TMEM132E: variants seen among roughly 807,000 people sequenced by gnomAD.
The protein encoded by TMEM132E is transmembrane protein 132E.
Under a neutral mutation model 78.5 loss-of-function variants are expected in TMEM132E, and 49 were observed. That is an observed-to-expected ratio of 0.62 (90% confidence interval 0.50 to 0.79). The LOEUF (loss-of-function observed/expected upper bound fraction) is 0.79. Ranked by LOEUF, TMEM132E falls within the 30% of genes least tolerant of loss-of-function variation. The pLI, the probability that TMEM132E is intolerant of heterozygous loss-of-function variation, is 0.00. For missense variants in TMEM132E, 1,403 were observed against 1,470.9 expected, an observed-to-expected ratio of 0.95 and a Z score of 0.75; for synonymous variants, 715 against 670.6, an observed-to-expected ratio of 1.07 and a Z score of -1.02.
intron 1 of TMEM132E, among the ~76,000 whole-genome samples, chr17:34,591,458 A>G (rs1444406599): frequency 6.6e-6 from 1 of 152,170 alleles, no homozygotes; most frequent in Non-Finnish European, 1.5e-5. Flanking sequence ...GGCACATGCC[A>G]TCATACCTGG....
intron 1 of TMEM132E, among the ~76,000 whole-genome samples, chr17:34,617,504 T>C (rs950497817): frequency 9.0e-5 from 12 of 133,406 alleles, no homozygotes; most frequent in Admixed American, 5.8e-4. Context: ...AAATGTTGAA[T>C]GAATGAATGA....
At position 34,637,170 on chromosome 17, in the gene TMEM132E, C is replaced by G; in HGVS notation, c.2170-7C>G. ...ACTCCTATCCCCTCCTTCTCCTTCT[C>G]CTCCAGGAAGCCCTACTGAGCCTCT... On this transcript the variant is annotated splice_region_variant and splice_polypyrimidine_tract_variant and intron_variant, in intron 8 of 8. Coordinates refer to ENST00000631683, the MANE Select transcript of TMEM132E (RefSeq NM_001304438.2). 6.3e-7 allele frequency: 1 copy of G among 1,591,880 alleles called. No homozygotes were observed. Among genetic ancestry groups the G allele is most frequent in the Non-Finnish European group, 8.6e-7 (1 of 1,165,324 alleles).
At chr17:34,581,899 G>A (rs988023244) in intron 1 of TMEM132E, among the ~76,000 whole-genome samples, 1 of 152,054 alleles carries the variant, frequency 6.6e-6, no homozygotes, top group African/African-American at 2.4e-5. Context: ...GCGCTTTGGC[G>A]GTGGGACAGC....
chr17:34,632,653 C>T, intron 5 of TMEM132E, 51 bp from the exon 6 acceptor site: 1 of 1,597,424 alleles, frequency 6.3e-7, no homozygotes, highest in Non-Finnish European at 8.6e-7. Context: ...CGCACTGCCT[C>T]ACAGGAAGAC....
chr17:34,591,531 G>A (rs76083869), intron 1 of TMEM132E, among the ~76,000 whole-genome samples: 1,807 of 152,248 alleles, frequency 0.012, 42 homozygotes, highest in African/African-American at 0.041. Flanking sequence ...GTCTGGCCTC[G>A]AACTTCTAGC....
At chr17:34,596,244 G>T (rs1311252398) in intron 1 of TMEM132E, among the ~76,000 whole-genome samples, 1 of 152,166 alleles carries the variant, frequency 6.6e-6, no homozygotes, top group Non-Finnish European at 1.5e-5. Context: ...AAGGAGTGTG[G>T]AGCCCTTGGC....
chr17:34,610,759 CAA>C (rs1413794582), intron 1 of TMEM132E, among the ~76,000 whole-genome samples: 1 of 152,214 alleles, frequency 6.6e-6, no homozygotes, highest in Non-Finnish European at 1.5e-5. Context: ...GGAGCATACT[CAA>C]GAGAATCATG....
chr17:34,582,574 G>A (rs770441852), intron 1 of TMEM132E, among the ~76,000 whole-genome samples: 5 of 151,888 alleles, frequency 3.3e-5, no homozygotes, highest in Non-Finnish European at 5.9e-5. Context: ...TCTATGGGAG[G>A]AATAGGCAGA....
At chr17:34,617,683 A>G (rs1271464884) in intron 1 of TMEM132E, among the ~76,000 whole-genome samples, 2 of 152,244 alleles carry the variant, frequency 1.3e-5, no homozygotes, top group Admixed American at 1.3e-4. Flanking sequence ...CCAAGGACAC[A>G]CAGCTATGTC....
At position 34,629,192 on chromosome 17, in the gene TMEM132E, G is replaced by T; in HGVS notation, c.1326G>T (p.Leu442=). 1.2e-6 allele frequency: 2 copies of T among 1,613,946 alleles called. No homozygotes were observed. The highest frequency in any genetic ancestry group is 1.7e-6 in the Non-Finnish European group (2 of 1,179,936). ...TTCAGCGGGATGTGCAAGCCATCCT[G>T]CCCCTGGCCATGGTGAGCAGGCAGG... is the stretch of plus-strand genomic sequence containing the variant. The part of the protein sequence containing the change: ...TVIQRDVQAI[L]PLAMDTEIIN... Residue 442 remains leucine (L), a synonymous_variant, in exon 4 of 9, where the codon CTG becomes CTT. Transcript: ENST00000631683.
chr17:34,591,910 C>T (rs540909936), intron 1 of TMEM132E, among the ~76,000 whole-genome samples: 3 of 152,212 alleles, frequency 2.0e-5, no homozygotes, highest in African/African-American at 4.8e-5. Context: ...CTCTCTCAGG[C>T]TGGGCTGCCG....
intron 1 of TMEM132E, among the ~76,000 whole-genome samples, chr17:34,611,750 A>G (rs909166043): frequency 6.6e-6 from 1 of 152,200 alleles, no homozygotes; most frequent in Non-Finnish European, 1.5e-5. Context: ...TCCATTTTGT[A>G]GATAGGGAAG....
chr17:34,629,667 C>G (rs1430974863), intron 4 of TMEM132E, among the ~76,000 whole-genome samples: 1 of 152,124 alleles, frequency 6.6e-6, no homozygotes, highest in Non-Finnish European at 1.5e-5. Flanking sequence ...CAGCCCAGGG[C>G]AGCTTGAATA....
rs1374171276 is a variant in TMEM132E, at chr17:34,636,105, C to G, written c.2076C>G (p.Ala692=). ...SITQLQAQVV[A]SLALSLRPSP... ...CACAGCTTCAGGCCCAGGTGGTGGC[C>G]AGCCTGGCCCTCTCCCTGCGGCCCA... Residue 692 remains alanine (A), a synonymous_variant, in exon 8 of 9, where the codon GCC becomes GCG. Transcript: ENST00000631683. The G allele has an allele frequency of 2.5e-6, 4 of 1,594,088 alleles. No homozygotes were observed. The highest frequency in any genetic ancestry group is 3.4e-6 in the Non-Finnish European group (4 of 1,171,434).
At chr17:34,631,975 G>A (rs1306134086) in intron 5 of TMEM132E, among the ~76,000 whole-genome samples, 1 of 152,224 alleles carries the variant, frequency 6.6e-6, no homozygotes, top group East Asian at 1.9e-4. Context: ...CAATGAAGAT[G>A]TACTCAGCAG....
At chr17:34,616,856 T>A (rs1002576482) in intron 1 of TMEM132E, among the ~76,000 whole-genome samples, 67 of 152,318 alleles carry the variant, frequency 4.4e-4, no homozygotes, top group Admixed American at 4.3e-3. Flanking sequence ...GACATGCCTG[T>A]GGGGACCAGC....
chr17:34,635,966 C>T, intron 7 of TMEM132E, 41 bp from the exon 8 acceptor site: 1 of 1,348,224 alleles, frequency 7.4e-7, no homozygotes, highest in South Asian at 2.0e-5. Context: ...GGGGGGTGTG[C>T]TTTCCTGGTT....
chr17:34,628,728 A>T lies in TMEM132E; in HGVS notation c.1145+19A>T, dbSNP rs772659560. 11 of 1,570,406 alleles carry T rather than the reference A, an allele frequency of 7.0e-6. No homozygotes were observed. The South Asian group carries it at 1.0e-4, about 15-fold the overall frequency. On this transcript the variant is annotated intron_variant, in intron 3 of 8. Transcript: ENST00000631683. ...CCCCCAGGTGAGCCCGAGGTGGTGC[A>T]TCTACCCACCTCTTCGCAAAGCAGC...
intron 1 of TMEM132E, among the ~76,000 whole-genome samples, chr17:34,623,946 C>G (rs555087590): frequency 6.6e-6 from 1 of 152,310 alleles, no homozygotes; most frequent in Non-Finnish European, 1.5e-5. Context: ...TGCACACCCC[C>G]ACCCCACCAT....
Sources: gnomAD v4.1 joint callset for allele counts (sites outside exome capture counted in the v4.1 genomes callset) on GRCh38, gnomAD v4.1.1 for gene constraint, MANE v1.5 for transcripts, NCBI Gene and HGNC (gene_info 2026-07-23, HGNC 2026-07-21) for gene names.